NFIA: variants seen among roughly 807,000 people sequenced by gnomAD.
The protein encoded by NFIA is nuclear factor 1 A-type.
NFIA carries 8 observed loss-of-function variants against 62.8 expected under a neutral mutation model. The observed-to-expected ratio is 0.13, with a 90% CI of 0.07 to 0.23. The LOEUF is 0.23. Among genes scored for constraint, NFIA ranks in the 10% least tolerant of loss-of-function variants. The pLI is 1.00. For missense variants in NFIA, 410 were observed against 642.1 expected (o/e 0.64, Z 3.91); for synonymous variants, 235 against 238.1 (o/e 0.99, Z 0.12).
chr1:61,079,324 A>G (rs1391795674), upstream of NFIA, among the ~76,000 whole-genome samples: 1 of 152,236 alleles, frequency 6.6e-6, no homozygotes, highest in African/African-American at 2.4e-5. Flanking sequence ...AATCTAAATC[A>G]TATTAATAAG....
intron 3 of NFIA, among the ~76,000 whole-genome samples, chr1:61,298,279 C>G (rs980242532): frequency 6.6e-6 from 1 of 152,138 alleles, no homozygotes; most frequent in African/African-American, 2.4e-5. Flanking sequence ...GTCTGCTTCC[C>G]CTTCAACCAG....
intron 6 of NFIA, among the ~76,000 whole-genome samples, chr1:61,362,485 TCC>T (rs1663350882): frequency 6.6e-6 from 1 of 152,110 alleles, no homozygotes; most frequent in Non-Finnish European, 1.5e-5. Context: ...TTTCCAGGAC[TCC>T]CTGGCCAAAA....
In NFIA at chr1:61,383,590, G is replaced by T. The variant is rs17265671; in HGVS notation, c.1075+225G>T. ...AAAGAGACCAAATCTGTTTTTTGTTGGCCAGTGAGATTTTTGCAGAAAGAT... is the reference window on the plus strand; with the variant it reads ...AAAGAGACCAAATCTGTTTTTTGTTTGCCAGTGAGATTTTTGCAGAAAGAT... On this transcript the variant is annotated intron_variant, in intron 7 of 10. Transcript: ENST00000403491. Among the ~76,000 whole-genome samples, 13,687 of 152,212 alleles carry T rather than the reference G, an allele frequency of 0.09. 680 individuals are homozygous for T. The highest frequency in any genetic ancestry group is 0.12 in the Middle Eastern group (36 of 292).
intron 6 of NFIA, among the ~76,000 whole-genome samples, chr1:61,365,478 T>G (rs937118906): frequency 1.3e-5 from 2 of 152,196 alleles, no homozygotes; most frequent in African/African-American, 2.4e-5. Flanking sequence ...TTAGAAAAGA[T>G]TGGATTCTGG....
intron 6 of NFIA, among the ~76,000 whole-genome samples, chr1:61,375,073 G>A (rs1454893825): frequency 6.6e-6 from 1 of 152,166 alleles, no homozygotes; most frequent in African/African-American, 2.4e-5. Flanking sequence ...GGATTCTTCT[G>A]TTCAGTCACA....
At chr1:61,188,170 C>T (rs1460486949) in intron 2 of NFIA, among the ~76,000 whole-genome samples, 1 of 152,022 alleles carries the variant, frequency 6.6e-6, no homozygotes, top group Non-Finnish European at 1.5e-5. Flanking sequence ...GCCTCAGCCC[C>T]GGAGTAACTG....
Position 61,421,249 on chromosome 1 carries a change from A to T in NFIA, c.1421-5216A>T, listed in dbSNP as rs915851787. On this transcript the variant is annotated intron_variant, in intron 9 of 10. Transcript: ENST00000403491. ...TACTTATCTCTCCCCATTAGGCTGT[A>T]ACATGTTGGGGATAGCAGCGTGTCT... Among the ~76,000 whole-genome samples, 7 of 152,296 alleles carry T rather than the reference A, an allele frequency of 4.6e-5. No homozygotes were observed. In the East Asian group the frequency reaches 1.2e-3, roughly 25 times the overall value.
intron 10 of NFIA, among the ~76,000 whole-genome samples, chr1:61,429,947 G>A (rs1362908386): frequency 6.6e-6 from 1 of 152,140 alleles, no homozygotes; most frequent in African/African-American, 2.4e-5. Context: ...GTGTTAAAGG[G>A]GTACAGAGTT....
intron 2 of NFIA, among the ~76,000 whole-genome samples, chr1:61,238,446 GT>G (rs1208431018): frequency 6.6e-6 from 1 of 152,146 alleles, no homozygotes. Context: ...AAAATTATAT[GT>G]TTTAGTTTTG....
chr1:61,203,390 G>A (rs769515420), intron 2 of NFIA, among the ~76,000 whole-genome samples: 9 of 152,128 alleles, frequency 5.9e-5, no homozygotes, highest in Admixed American at 2.6e-4. Flanking sequence ...AGTTCCACGG[G>A]ATGGCTCACC....
chr1:61,439,699 A>C (rs1667492429), intron 10 of NFIA, among the ~76,000 whole-genome samples: 1 of 152,194 alleles, frequency 6.6e-6, no homozygotes, highest in Non-Finnish European at 1.5e-5. Flanking sequence ...GAAATCTTTC[A>C]GGTTAGAAGC....
At chr1:61,201,113 C>T (rs1368142722) in intron 2 of NFIA, among the ~76,000 whole-genome samples, 3 of 152,150 alleles carry the variant, frequency 2.0e-5, no homozygotes, top group African/African-American at 7.2e-5. Flanking sequence ...GTAGTAAGAT[C>T]TCACATACTT....
chr1:61,365,262 C>T (rs927055571), intron 6 of NFIA, among the ~76,000 whole-genome samples: 4 of 152,078 alleles, frequency 2.6e-5, no homozygotes, highest in Admixed American at 6.6e-5. Context: ...CAAGATCTCC[C>T]GGTGATGCTT....
intron 2 of NFIA, among the ~76,000 whole-genome samples, chr1:61,236,071 C>G (rs982588299): frequency 1.3e-5 from 2 of 151,476 alleles, no homozygotes; most frequent in Non-Finnish European, 2.9e-5. Flanking sequence ...ACTGCTGATT[C>G]AGAACACGTT....
At chr1:61,226,998 G>A (rs977116174) in intron 2 of NFIA, among the ~76,000 whole-genome samples, 1 of 152,184 alleles carries the variant, frequency 6.6e-6, no homozygotes, top group African/African-American at 2.4e-5. Flanking sequence ...AAACTGCACA[G>A]CTACACTGAC....
At chr1:61,331,541 A>C (rs1661298833) in intron 3 of NFIA, among the ~76,000 whole-genome samples, 1 of 152,152 alleles carries the variant, frequency 6.6e-6, no homozygotes, top group Admixed American at 6.5e-5. Context: ...TATGTTTCTT[A>C]TGTCAAAGAA....
chr1:61,425,752 G>A (rs1666836838), intron 9 of NFIA, among the ~76,000 whole-genome samples: 1 of 152,234 alleles, frequency 6.6e-6, no homozygotes, highest in Non-Finnish European at 1.5e-5. Context: ...AGAAAGGATA[G>A]TAAACTGAAG....
chr1:61,404,425 G>A lies in NFIA; in HGVS notation c.1254+143G>A, dbSNP rs569882202. On this transcript the variant is annotated intron_variant, in intron 8 of 10. Coordinates refer to ENST00000403491, the MANE Select transcript of NFIA (RefSeq NM_001134673.4). ...GCAAATGTCATATTTATTCTAGATTGTGGGAAAGTTAACTTGGTCTAAGAG... is the reference window on the plus strand; with the variant it reads ...GCAAATGTCATATTTATTCTAGATTATGGGAAAGTTAACTTGGTCTAAGAG... 5.4e-6 allele frequency: 5 copies of A among 919,650 alleles called. No individual in the cohort carries two copies. The East Asian group carries it at 1.3e-4, about 24-fold the overall frequency. 57.0% of individuals were successfully genotyped at this position (919,650 alleles called of 1,614,324 possible). A position where few individuals can be genotyped will look rare whatever the true frequency, so the allele number is the denominator to read the frequency against.
rs142258394 is a variant in NFIA, at chr1:61,433,000, T to G, written c.1512+6444T>G. Among the ~76,000 whole-genome samples, 5 of 152,306 alleles carry G rather than the reference T, an allele frequency of 3.3e-5. No homozygotes were observed. In the East Asian group the frequency reaches 9.6e-4, roughly 29 times the overall value. ...TTTGTCCCATGGTAATTGAAGTAGCTGAGATTTGAACCAGTCTCCAGAACT... is the reference window on the plus strand; with the variant it reads ...TTTGTCCCATGGTAATTGAAGTAGCGGAGATTTGAACCAGTCTCCAGAACT... On this transcript the variant is annotated intron_variant, in intron 10 of 10. Coordinates refer to ENST00000403491, the MANE Select transcript of NFIA (RefSeq NM_001134673.4).
Sources: allele counts gnomAD v4.1 joint callset (sites outside exome capture counted in the v4.1 genomes callset), GRCh38; gene constraint gnomAD v4.1.1; transcripts MANE v1.5; gene names NCBI Gene and HGNC (gene_info 2026-07-23, HGNC 2026-07-21).